RALGPS1: variants seen among roughly 807,000 people sequenced by gnomAD.
The protein encoded by RALGPS1 is ras-specific guanine nucleotide-releasing factor RalGPS1.
In RALGPS1, 19 loss-of-function variants were observed where a neutral mutation model predicts 78.8. The ratio of observed to expected loss-of-function variants is 0.24; its 90% CI spans 0.17 to 0.35. The LOEUF is 0.35. Among genes scored for constraint, RALGPS1 ranks in the 10% least tolerant of loss-of-function variants. RALGPS1 has a pLI of 1.00. For synonymous variants in RALGPS1, 228 were observed against 256.3 expected (o/e 0.89, Z 1.06); for missense variants, 454 against 688.3 (o/e 0.66, Z 3.81).
Position 127,047,444 on chromosome 9 carries a change from A to G in RALGPS1, c.301-2599A>G, listed in dbSNP as rs188650115. On this transcript the variant is annotated intron_variant, in intron 5 of 18. Transcript: ENST00000259351. ...CCGGGCATGGTGGCTCATGCCTGTA[A>G]TCCCAGCACTTTGGGAGGCCGAGGC... Among the ~76,000 whole-genome samples, 377 of 152,344 alleles carry G rather than the reference A, an allele frequency of 2.5e-3. 2 individuals carry two copies. The highest frequency in any genetic ancestry group is 0.024 in the Middle Eastern group (7 of 294).
chr9:127,189,806 G>T (rs1047236098), intron 11 of RALGPS1, among the ~76,000 whole-genome samples: 1 of 151,998 alleles, frequency 6.6e-6, no homozygotes, highest in Admixed American at 6.6e-5. Context: ...CCCAGCGAGG[G>T]GCCAGAGCGG....
At chr9:127,155,855 G>A (rs568388614) in intron 8 of RALGPS1, among the ~76,000 whole-genome samples, 1 of 151,398 alleles carries the variant, frequency 6.6e-6, no homozygotes, top group African/African-American at 2.4e-5. Context: ...TGCCAAAAAA[G>A]TGTTTGCTTC....
intron 1 of RALGPS1, among the ~76,000 whole-genome samples, chr9:126,947,482 C>G (rs989243290): frequency 1.3e-5 from 2 of 152,098 alleles, no homozygotes; most frequent in Admixed American, 6.5e-5. Context: ...ATTCCAAAAT[C>G]CAAAAAATCA....
intron 1 of RALGPS1, among the ~76,000 whole-genome samples, chr9:126,931,991 T>C (rs1243758357): frequency 2.0e-5 from 3 of 152,012 alleles, no homozygotes; most frequent in Non-Finnish European, 4.4e-5. Context: ...GTTTTTTTTT[T>C]TTCACTAGTG....
chr9:127,046,530 A>G (rs936150006), intron 5 of RALGPS1, among the ~76,000 whole-genome samples: 13 of 152,184 alleles, frequency 8.5e-5, no homozygotes, highest in African/African-American at 2.9e-4. Flanking sequence ...CCTCCAAACA[A>G]TGTATAAGAG....
At position 127,122,082 on chromosome 9, in the gene RALGPS1, A is replaced by T. The variant is rs541062328; in HGVS notation, c.611-43987A>T. On this transcript the variant is annotated intron_variant, in intron 8 of 18. Transcript: ENST00000259351. The surrounding 1 kb of genome is among the most constrained non-coding windows in gnomAD (Gnocchi z 6.4). ...CAAAAGAGGAGAGTGAGGCTTACTC[A>T]TGAAGTCCTCGAGATGCCAGCCCAT... Among the ~76,000 whole-genome samples the T allele has an allele frequency of 4.6e-5, 7 of 152,262 alleles. No individual in the cohort carries two copies. Among genetic ancestry groups the T allele is most frequent in the Non-Finnish European group, 8.8e-5 (6 of 68,014 alleles).
Position 127,181,466 on chromosome 9 carries a change from G to T in RALGPS1, c.910+6684G>T, listed in dbSNP as rs191795921. On this transcript the variant is annotated intron_variant, in intron 11 of 18. Transcript: ENST00000259351. ...ACCAGTTGCCAAGCCCAAGGCTCTG[G>T]ACAGCCTCTGAGGCTCTGTCCCCAC... Among the ~76,000 whole-genome samples the T allele has an allele frequency of 2.9e-4, 44 of 152,336 alleles. No homozygotes were observed. The East Asian group carries it at 3.7e-3, about 13-fold the overall frequency.
rs1284663942 is a variant in RALGPS1, at chr9:127,188,820, C to T, written c.911-6271C>T. ...CCCATCTGTACTAAAGACTAAGAAA[C>T]CCCATCTCTACTAAAAAAAAAAAAA... On this transcript the variant is annotated intron_variant, in intron 11 of 18. Coordinates refer to ENST00000259351, the MANE Select transcript of RALGPS1 (RefSeq NM_014636.3). Among the ~76,000 whole-genome samples, 7 of 65,402 alleles carry T rather than the reference C, an allele frequency of 1.1e-4. No individual in the cohort carries two copies. The East Asian group carries it at 6.3e-3, about 59-fold the overall frequency. The allele number at this position is 65,402 out of a possible 152,430, so 42.9% of individuals were successfully genotyped here. A position where few individuals can be genotyped will look rare whatever the true frequency, so the allele number is the denominator to read the frequency against.
intron 4 of RALGPS1, among the ~76,000 whole-genome samples, chr9:127,025,749 T>C (rs913245335): frequency 7.2e-5 from 11 of 152,164 alleles, no homozygotes; most frequent in African/African-American, 2.6e-4. Flanking sequence ...TGGAGTGTAG[T>C]GGTATGATCA....
At chr9:127,206,217 A>C (rs1318528477) in intron 14 of RALGPS1, among the ~76,000 whole-genome samples, 1 of 152,206 alleles carries the variant, frequency 6.6e-6, no homozygotes, top group African/African-American at 2.4e-5. Context: ...GTGCACTCCT[A>C]CCCAGGCTCT....
intron 5 of RALGPS1, among the ~76,000 whole-genome samples, chr9:127,040,390 A>G (rs2134932885): frequency 6.6e-6 from 1 of 152,316 alleles, no homozygotes; most frequent in African/African-American, 2.4e-5. Context: ...CGACAGAGTG[A>G]AACGCTGTCT....
chr9:127,167,641 ATCATCCTCACTTCAG>A (rs2059362023), intron 9 of RALGPS1, among the ~76,000 whole-genome samples: 1 of 152,238 alleles, frequency 6.6e-6, no homozygotes, highest in South Asian at 2.1e-4. Flanking sequence ...TAAAACAGGT[ATCATCCTCACTTCAG>A]AGAGAGGACA....
intron 7 of RALGPS1, among the ~76,000 whole-genome samples, chr9:127,067,332 A>T (rs1332385923): frequency 6.6e-6 from 1 of 152,182 alleles, no homozygotes; most frequent in Non-Finnish European, 1.5e-5. Flanking sequence ...TCAGCACCAG[A>T]ACCTTCCTTT....
intron 11 of RALGPS1, among the ~76,000 whole-genome samples, chr9:127,194,163 G>A (rs575304809): frequency 9.8e-5 from 15 of 152,320 alleles, no homozygotes; most frequent in South Asian, 2.1e-4. Context: ...GAAAGTCTGC[G>A]TACATTACCT....
At chr9:126,965,984 G>A (rs1214723700) in intron 3 of RALGPS1, 33 bp downstream of exon 3, 3 of 1,528,986 alleles carry the variant, frequency 2.0e-6, no homozygotes, top group Non-Finnish European at 2.7e-6. Context: ...GGGTGGCTGG[G>A]CACCACAGCA....
chr9:127,145,393 T>C (rs943020791), intron 8 of RALGPS1, among the ~76,000 whole-genome samples: 7 of 152,194 alleles, frequency 4.6e-5, no homozygotes, highest in African/African-American at 1.7e-4. Flanking sequence ...GACCTGCATC[T>C]TTTCACCCAG....
rs1300947713 is a variant in RALGPS1 at position 126,979,107 on chromosome 9, AAC to A, written c.216+1366_216+1367del. 2.0e-5 allele frequency among the ~76,000 whole-genome samples: 3 copies of A among 152,210 alleles called. 1 individual carries two copies. Among genetic ancestry groups the A allele is most frequent in the Admixed American group, 1.3e-4 (2 of 15,284 alleles). ...TAAGACTTGACAAAGAGCATATCTT[AAC>A]ACAAAGTCACAGTGTTCAAGCCTTC... On this transcript the variant is annotated intron_variant, in intron 4 of 18. Coordinates refer to ENST00000259351, the MANE Select transcript of RALGPS1 (RefSeq NM_014636.3).
chr9:127,204,885 C>T (rs933990461), intron 14 of RALGPS1, among the ~76,000 whole-genome samples: 1 of 152,204 alleles, frequency 6.6e-6, no homozygotes, highest in Non-Finnish European at 1.5e-5. Flanking sequence ...GGTAGATGCC[C>T]AGGTCTGCCA....
chr9:127,097,025 C>A (rs1266957600), intron 8 of RALGPS1, among the ~76,000 whole-genome samples: 1 of 152,174 alleles, frequency 6.6e-6, no homozygotes, highest in Non-Finnish European at 1.5e-5. Flanking sequence ...TTCTTTTCCC[C>A]CAACCAGAAC....
Sources: allele counts gnomAD v4.1 joint callset (sites outside exome capture counted in the v4.1 genomes callset), GRCh38; gene constraint gnomAD v4.1.1; non-coding constraint Gnocchi (gnomAD v3.1); transcripts MANE v1.5; gene names NCBI Gene and HGNC (gene_info 2026-07-23, HGNC 2026-07-21).